CFAP47: variants seen among roughly 807,000 people sequenced by gnomAD.
The protein encoded by CFAP47 is cilia and flagella associated protein 47.
CFAP47 carries 29 observed loss-of-function variants against 148.1 expected under a neutral mutation model. That is an observed-to-expected ratio of 0.20 (90% CI 0.15 to 0.27). The LOEUF is 0.27. CFAP47 is among the 10% of genes least tolerant of loss of function. The probability of loss-of-function intolerance (pLI) is 1.00; values close to 1 mark genes in which losing one functional copy is unlikely to be tolerated. For synonymous variants in CFAP47, 664 were observed against 577.3 expected (o/e 1.15, Z -2.15); for missense variants, 1,872 against 1,697.5 (o/e 1.10, Z -1.81).
intron 2 of CFAP47, among the ~76,000 whole-genome samples, chrX:35,934,643 GC>G (rs1271642218): frequency 9.0e-6 from 1 of 110,896 alleles, no homozygotes; most frequent in African/African-American, 3.3e-5. Context: ...TTGCCCTGTA[GC>G]CACCACAGCT....
chrX:36,336,244 G>GACACACACACACACAC (rs781925226), intron 57 of CFAP47, among the ~76,000 whole-genome samples: 1 of 65,708 alleles, frequency 1.5e-5, no homozygotes, highest in African/African-American at 5.6e-5. Context: ...CAGACACACA[G>GACACACACACACACAC]ACACACACAC....
At chrX:35,960,526 A>G (rs1406924698) in intron 8 of CFAP47, among the ~76,000 whole-genome samples, 2 of 109,219 alleles carry the variant, frequency 1.8e-5, no homozygotes, top group African/African-American at 6.7e-5. Flanking sequence ...ACACTTATTT[A>G]TGTCTTCTTT....
At chrX:36,245,108 C>T (rs782340595) in intron 48 of CFAP47, among the ~76,000 whole-genome samples, 3 of 112,059 alleles carry the variant, frequency 2.7e-5, no homozygotes, top group Non-Finnish European at 5.6e-5. Context: ...AAGCAAAAAT[C>T]ATTTGGTCAT....
intron 39 of CFAP47, among the ~76,000 whole-genome samples, chrX:36,178,573 C>T (rs1464883197): frequency 9.0e-6 from 1 of 110,941 alleles, no homozygotes; most frequent in Non-Finnish European, 1.9e-5. Context: ...ATAACTGTTA[C>T]ATAATAAAAG....
chrX:36,296,889 T>C (rs1941247652), intron 51 of CFAP47, among the ~76,000 whole-genome samples: 1 of 112,083 alleles, frequency 8.9e-6, no homozygotes, highest in South Asian at 3.7e-4. Context: ...ATCAACTTTA[T>C]AAAATATGCC....
At chrX:36,329,732 A>T (rs1296614412) in intron 57 of CFAP47, among the ~76,000 whole-genome samples, 8 of 111,568 alleles carry the variant, frequency 7.2e-5, no homozygotes, top group Non-Finnish European at 1.3e-4. Flanking sequence ...TTTTATTTTT[A>T]ATTTAAGGTA....
At chrX:36,352,881 T>C (rs1346689213) in intron 59 of CFAP47, among the ~76,000 whole-genome samples, 1 of 109,945 alleles carries the variant, frequency 9.1e-6, no homozygotes, top group African/African-American at 3.3e-5. Flanking sequence ...AATTAATATG[T>C]AATCACATTT....
At chrX:35,939,581 G>T (rs1227756404) in intron 2 of CFAP47, among the ~76,000 whole-genome samples, 3 of 88,970 alleles carry the variant, frequency 3.4e-5, no homozygotes, top group African/African-American at 1.2e-4. Flanking sequence ...TACTGAGAAT[G>T]ATGATTTCCA....
At chrX:35,950,101 A>G (rs1025733113) in intron 4 of CFAP47, among the ~76,000 whole-genome samples, 2 of 111,818 alleles carry the variant, frequency 1.8e-5, no homozygotes, top group African/African-American at 6.5e-5. Context: ...TGAGTGAGTT[A>G]AAAGAAAACC....
chrX:35,976,716 G>A (rs1189301911), intron 15 of CFAP47, among the ~76,000 whole-genome samples: 1 of 111,627 alleles, frequency 9.0e-6, no homozygotes, highest in Admixed American at 9.5e-5. Context: ...TATTTTTCTA[G>A]TATGAATTCT....
At chrX:36,210,915 G>A (rs1940092813) in intron 45 of CFAP47, among the ~76,000 whole-genome samples, 1 of 112,058 alleles carries the variant, frequency 8.9e-6, no homozygotes, top group Admixed American at 9.5e-5. Flanking sequence ...TTTGCATGTG[G>A]CTACCAAGTC....
rs769416632 is a variant in CFAP47, at chrX:36,150,112, G to A, written c.5786+889G>A. 1.9e-4 allele frequency among the ~76,000 whole-genome samples: 21 copies of A among 110,709 alleles called. No homozygotes were observed. The South Asian group carries it at 8.0e-3, about 42-fold the overall frequency. On this transcript the variant is annotated intron_variant, in intron 37 of 63. Coordinates refer to ENST00000378653, the MANE Select transcript of CFAP47 (RefSeq NM_001304548.2). ...GTAAATGATGGATAGACAGATAGAT[G>A]ATATATATACATGTAAATATACTCC...
At chrX:36,012,692 A>G (rs975481738) in intron 21 of CFAP47, among the ~76,000 whole-genome samples, 1 of 111,495 alleles carries the variant, frequency 9.0e-6, no homozygotes, top group Non-Finnish European at 1.9e-5. Context: ...GAGGGAGAAC[A>G]TTAGGACAAA....
intron 22 of CFAP47, among the ~76,000 whole-genome samples, chrX:36,027,781 A>ATG (rs1279816899): frequency 8.9e-6 from 1 of 111,882 alleles, no homozygotes; most frequent in African/African-American, 3.2e-5. Context: ...TCAACAGTAT[A>ATG]TAAGTGTTCA....
intron 48 of CFAP47, among the ~76,000 whole-genome samples, chrX:36,238,116 A>G (rs1940494324): frequency 9.1e-6 from 1 of 110,431 alleles, no homozygotes; most frequent in Non-Finnish European, 1.9e-5. Context: ...TTGTGTCCCC[A>G]CCCAAATCTC....
chrX:36,090,324 G>A (rs1938162017), intron 30 of CFAP47, among the ~76,000 whole-genome samples: 1 of 111,614 alleles, frequency 9.0e-6, no homozygotes, highest in Non-Finnish European at 1.9e-5. Context: ...AATATTAACT[G>A]TGAGCAAAAG....
chrX:36,290,467 G>C (rs1941182255), intron 51 of CFAP47, among the ~76,000 whole-genome samples: 1 of 112,056 alleles, frequency 8.9e-6, no homozygotes, highest in African/African-American at 3.2e-5. Flanking sequence ...GCTGAACTTA[G>C]GTTTGTCTTT....
intron 7 of CFAP47, among the ~76,000 whole-genome samples, chrX:35,954,093 T>C (rs1205482509): frequency 9.0e-6 from 1 of 111,549 alleles, no homozygotes; most frequent in Non-Finnish European, 1.9e-5. Context: ...CCTTCAGCTC[T>C]CTTAGAATCT....
At chrX:35,924,217 A>G (rs756637162) in intron 1 of CFAP47, among the ~76,000 whole-genome samples, 1 of 103,693 alleles carries the variant, frequency 9.6e-6, no homozygotes, top group Non-Finnish European at 1.9e-5. Context: ...GTATGTGTGC[A>G]TGTATGTGTA....
Sources: gnomAD v4.1 joint callset for allele counts (sites outside exome capture counted in the v4.1 genomes callset) on GRCh38, gnomAD v4.1.1 for gene constraint, MANE v1.5 for transcripts, NCBI Gene and HGNC (gene_info 2026-07-23, HGNC 2026-07-21) for gene names.